FUCA2: variants seen among roughly 807,000 people sequenced by gnomAD.
FUCA2 encodes the protein alpha-L-fucosidase 2.
In FUCA2, 41 loss-of-function variants were observed where a neutral mutation model predicts 52.6. The observed-to-expected ratio is 0.78, with a 90% CI of 0.61 to 1.01. The LOEUF is 1.01. Among genes scored for constraint, FUCA2 ranks in the 50% least tolerant of loss-of-function variants. The pLI is 0.00. For synonymous variants in FUCA2, 211 were observed against 217.3 expected (o/e 0.97, Z 0.26); for missense variants, 507 against 569.5 (o/e 0.89, Z 1.12).
chr6:143,511,712 G>C lies in FUCA2; in HGVS notation c.-78C>G, dbSNP rs1391335215. On this transcript the variant is annotated 5_prime_UTR_variant, in exon 1 of 7. Coordinates refer to ENST00000002165, the MANE Select transcript of FUCA2 (RefSeq NM_032020.5). This position sits in a 1 kb window ranked among gnomAD's most constrained non-coding sequence, Gnocchi z 6.3. Reference sequence around the variant, plus strand: ...GCTGTTCTTCCGTCTCTGCCGCTGAGTATGCCGCGCCGCGGTCACCTGACC... The same window carrying C: ...GCTGTTCTTCCGTCTCTGCCGCTGACTATGCCGCGCCGCGGTCACCTGACC... 4 of 1,322,208 alleles carry C rather than the reference G, an allele frequency of 3.0e-6. No homozygotes were observed. The highest frequency in any genetic ancestry group is 5.3e-5 in the East Asian group (2 of 38,014). 81.9% of individuals were successfully genotyped at this position (1,322,208 alleles called of 1,614,324 possible).
Position 143,511,282 on chromosome 6 carries a change from C to A in FUCA2, c.224+129G>T. On this transcript the variant is annotated intron_variant, in intron 1 of 6. Transcript: ENST00000002165. The surrounding 1 kb of genome is among the most constrained non-coding windows in gnomAD (Gnocchi z 6.3). The stretch of plus-strand genomic sequence containing the variant: ...ACCCGGAAGTGCGAAACGCGGGTAA[C>A]GCAGTGGGAGGTGAAACCGACGAGG... 2 of 751,434 alleles carry A rather than the reference C, an allele frequency of 2.7e-6. No individual in the cohort carries two copies. The highest frequency in any genetic ancestry group is 3.0e-4 in the Middle Eastern group (1 of 3,328). The allele number at this position is 751,434 out of a possible 1,614,324, so 46.5% of individuals were successfully genotyped here.
rs1252379980 is a variant in FUCA2 at position 143,495,687 on chromosome 6, A to G, written c.*20T>C. 1 of 1,605,930 alleles carries G rather than the reference A, an allele frequency of 6.2e-7. No individual in the cohort carries two copies. Among genetic ancestry groups the G allele is most frequent in the Admixed American group, 1.7e-5 (1 of 59,780 alleles). ...CCTAGCCTTAGACATAACTTGCAGC[A>G]TCAGCCACTCTGCTGCACTTTAGAT... On this transcript the variant is annotated 3_prime_UTR_variant, in exon 7 of 7. Transcript: ENST00000002165. The surrounding 1 kb of genome is among the most constrained non-coding windows in gnomAD (Gnocchi z 5.2).
In FUCA2 at chr6:143,503,742, G is replaced by T; in HGVS notation, c.752+171C>A. 3.6e-6 allele frequency: 2 copies of T among 550,968 alleles called. No homozygotes were observed. The highest frequency in any genetic ancestry group is 6.3e-6 in the Non-Finnish European group (2 of 319,174). 34.1% of individuals were successfully genotyped at this position (550,968 alleles called of 1,614,324 possible). A position where few individuals can be genotyped will look rare whatever the true frequency, so the allele number is the denominator to read the frequency against. Reference sequence around the variant, plus strand: ...TTTTACTCCTGATTTATTTACCCTTGATTATGTTGAGTAAATAGTGATATA... The same window carrying T: ...TTTTACTCCTGATTTATTTACCCTTTATTATGTTGAGTAAATAGTGATATA... On this transcript the variant is annotated intron_variant, in intron 3 of 6. Coordinates refer to ENST00000002165, the MANE Select transcript of FUCA2 (RefSeq NM_032020.5). This position sits in a 1 kb window ranked among gnomAD's most constrained non-coding sequence, Gnocchi z 4.8.
intron 2 of FUCA2, chr6:143,505,806 G>A (rs980720501): frequency 1.3e-5 from 2 of 152,110 alleles, no homozygotes; most frequent in Admixed American, 6.5e-5. Flanking sequence ...CTTACACTGC[G>A]ACGTTCCTTC....
At position 143,502,342 on chromosome 6, in the gene FUCA2, C is replaced by G. The variant is rs1780540544; in HGVS notation, c.963+13G>C. 1 of 1,610,220 alleles carries G rather than the reference C, an allele frequency of 6.2e-7. No individual in the cohort carries two copies. The highest frequency in any genetic ancestry group is 1.7e-5 in the Admixed American group (1 of 59,882). ...GAATATTATGTTAATAGCCACCAGA[C>G]ATTTCACTGTACCTTCACCAATTCT... is the stretch of plus-strand genomic sequence containing the variant. On this transcript the variant is annotated intron_variant, in intron 4 of 6. Transcript: ENST00000002165. The surrounding 1 kb of genome is among the most constrained non-coding windows in gnomAD (Gnocchi z 4.1).
rs760005569 is a variant in FUCA2, at chr6:143,502,532, A to G, written c.786T>C (p.Arg262=). 20 of 1,613,968 alleles carry G rather than the reference A, an allele frequency of 1.2e-5. No individual in the cohort carries two copies. Among genetic ancestry groups the G allele is most frequent in the South Asian group, 2.2e-5 (2 of 91,084 alleles). The part of the protein sequence containing the change: ...PVRGTVVTND[R]WGAGSICKHG... ...GCTTACAGATGCTACCAGCTCCCCAACGATCATTGGTGACTACTGTGCCCC... is the reference window on the plus strand; with the variant it reads ...GCTTACAGATGCTACCAGCTCCCCAGCGATCATTGGTGACTACTGTGCCCC... Residue 262 remains arginine, a synonymous_variant, in exon 4 of 7, where the codon CGT becomes CGC. Transcript: ENST00000002165. The surrounding 1 kb of genome is among the most constrained non-coding windows in gnomAD (Gnocchi z 4.1).
Position 143,499,941 on chromosome 6 carries a change from G to A in FUCA2, c.1154+1991C>T, listed in dbSNP as rs1320928507. Among the ~76,000 whole-genome samples the A allele has an allele frequency of 6.6e-6, 1 of 152,184 alleles. No homozygotes were observed. Among genetic ancestry groups the A allele is most frequent in the South Asian group, 2.1e-4 (1 of 4,834 alleles). Reference sequence around the variant, plus strand: ...AATGCAAGTGAAATTGAGTTAAAGGGGAGAATTGCTATAACAATCCTTGGG... The same window carrying A: ...AATGCAAGTGAAATTGAGTTAAAGGAGAGAATTGCTATAACAATCCTTGGG... On this transcript the variant is annotated intron_variant, in intron 5 of 6. Coordinates refer to ENST00000002165, the MANE Select transcript of FUCA2 (RefSeq NM_032020.5). This position sits in a 1 kb window ranked among gnomAD's most constrained non-coding sequence, Gnocchi z 6.0.
chr6:143,497,943 G>C lies in FUCA2; in HGVS notation c.1155-446C>G, dbSNP rs1311067740. Among the ~76,000 whole-genome samples the C allele has an allele frequency of 3.3e-5, 5 of 152,270 alleles. No individual in the cohort carries two copies. Among genetic ancestry groups the C allele is most frequent in the Non-Finnish European group, 5.9e-5 (4 of 68,018 alleles). On this transcript the variant is annotated intron_variant, in intron 5 of 6. Coordinates refer to ENST00000002165, the MANE Select transcript of FUCA2 (RefSeq NM_032020.5). This position sits in a 1 kb window ranked among gnomAD's most constrained non-coding sequence, Gnocchi z 5.3. Reference sequence around the variant, plus strand: ...AACACACATAGTCCTTGTTCTTATGGAGCTTAGACTAGAGTGGGGAAAGCA... The same window carrying C: ...AACACACATAGTCCTTGTTCTTATGCAGCTTAGACTAGAGTGGGGAAAGCA...
In FUCA2 at chr6:143,511,416, C is replaced by T; in HGVS notation, c.219G>A (p.Trp73Ter). Residue 73 changes from tryptophan to a stop codon, truncating the protein, a stop_gained, in exon 1 of 7, where the codon TGG (tryptophan) becomes TGA (stop). Transcript: ENST00000002165. LOFTEE classifies it high-confidence loss of function. The surrounding 1 kb of genome is among the most constrained non-coding windows in gnomAD (Gnocchi z 6.3). The part of the protein sequence containing the change: ...VFSVPSFGSE[W>*]FWWYWQKEKI... ...ACAAAAGGGAGCGCACTCACCAGAACCACTCGCTACCGAAGCTGGGCACGG... is the reference window on the plus strand; with the variant it reads ...ACAAAAGGGAGCGCACTCACCAGAATCACTCGCTACCGAAGCTGGGCACGG... 6.2e-7 allele frequency: 1 copy of T among 1,610,528 alleles called. No individual in the cohort carries two copies. Among genetic ancestry groups the T allele is most frequent in the Non-Finnish European group, 8.5e-7 (1 of 1,178,108 alleles).
Position 143,510,819 on chromosome 6 carries a change from T to G in FUCA2, c.224+592A>C, listed in dbSNP as rs1780672755. 6.6e-6 allele frequency among the ~76,000 whole-genome samples: 1 copy of G among 152,072 alleles called. No homozygotes were observed. The highest frequency in any genetic ancestry group is 6.6e-5 in the Admixed American group (1 of 15,216). ...GTAAAATCTAACGCACAGATTTTTGTGTAGCACCTTTCATACGGCAGTATG... is the reference window on the plus strand; with the variant it reads ...GTAAAATCTAACGCACAGATTTTTGGGTAGCACCTTTCATACGGCAGTATG... On this transcript the variant is annotated intron_variant, in intron 1 of 6. Coordinates refer to ENST00000002165, the MANE Select transcript of FUCA2 (RefSeq NM_032020.5). The surrounding 1 kb of genome is among the most constrained non-coding windows in gnomAD (Gnocchi z 4.4).
rs748436332 is a variant in FUCA2, at chr6:143,497,497, C to A, written c.1155G>T (p.Trp385Cys). The change falls in exon 6 of 7, where the codon TGG becomes TGT. Residue 385 changes from tryptophan (W) to cysteine (C), a missense_variant and splice_region_variant. Transcript: ENST00000002165. The surrounding 1 kb of genome is among the most constrained non-coding windows in gnomAD (Gnocchi z 5.3). ...SQNDTVTPDV[W>C]YTSKPKEKLV... ...ATTTTTCTTTAGGCTTGGATGTGTA[C>A]CTGGTTAAAAGAAAAAAATAAAGAG... is the stretch of plus-strand genomic sequence containing the variant. The A allele has an allele frequency of 3.3e-5, 52 of 1,583,602 alleles. No homozygotes were observed. The highest frequency in any genetic ancestry group is 8.4e-5 in the Admixed American group (5 of 59,558).
At position 143,507,356 on chromosome 6, in the gene FUCA2, A is replaced by C; in HGVS notation, c.293T>G (p.Phe98Cys). Residue 98 changes from phenylalanine to cysteine, a missense_variant, in exon 2 of 7, where the codon TTC (phenylalanine) becomes TGC (cysteine). Phe to Cys is a radical substitution (Grantham distance 205). Transcript: ENST00000002165. This position sits in a 1 kb window ranked among gnomAD's most constrained non-coding sequence, Gnocchi z 4.5. ...EFMKDNYPPS[F>C]KYEDFGPLFT... ...TAGTGGTCCAAAATCTTCATATTTG[A>C]AACTAGGAGGGTAATTATCTTTCAT... 6.2e-7 allele frequency: 1 copy of C among 1,609,332 alleles called. No homozygotes were observed. The highest frequency in any genetic ancestry group is 8.5e-7 in the Non-Finnish European group (1 of 1,179,068).
rs1461172262 is a variant in FUCA2, at chr6:143,502,232, GAACA to G, written c.964-114_964-111del. 208 of 1,333,342 alleles carry G rather than the reference GAACA, an allele frequency of 1.6e-4. 2 individuals are homozygous for G. In the South Asian group the frequency reaches 2.8e-3, roughly 18 times the overall value. The allele number at this position is 1,333,342 out of a possible 1,614,324, so 82.6% of individuals were successfully genotyped here. A position where few individuals can be genotyped will look rare whatever the true frequency, so the allele number is the denominator to read the frequency against. ...ATGTATATATAGTCACTGCCTAGAAGAACAAACACAGGATAGAACAATGTCCTAT... is the reference window on the plus strand; with the variant it reads ...ATGTATATATAGTCACTGCCTAGAAGAACACAGGATAGAACAATGTCCTAT... On this transcript the variant is annotated intron_variant, in intron 4 of 6. Coordinates refer to ENST00000002165, the MANE Select transcript of FUCA2 (RefSeq NM_032020.5). The surrounding 1 kb of genome is among the most constrained non-coding windows in gnomAD (Gnocchi z 4.1).
At position 143,498,000 on chromosome 6, in the gene FUCA2, G is replaced by A. The variant is rs915455616; in HGVS notation, c.1155-503C>T. 1.3e-5 allele frequency among the ~76,000 whole-genome samples: 2 copies of A among 152,134 alleles called. No homozygotes were observed. Among genetic ancestry groups the A allele is most frequent in the Admixed American group, 6.5e-5 (1 of 15,272 alleles). On this transcript the variant is annotated intron_variant, in intron 5 of 6. Transcript: ENST00000002165. This position sits in a 1 kb window ranked among gnomAD's most constrained non-coding sequence, Gnocchi z 5.3. ...AAACAATCACACAAATAATATGAAA[G>A]TGTGAGTTCTGATAAGCACCATGAA...
rs968206264 is a variant in FUCA2, at chr6:143,500,602, G to C, written c.1154+1330C>G. Among the ~76,000 whole-genome samples, 1 of 152,096 alleles carries C rather than the reference G, an allele frequency of 6.6e-6. No homozygotes were observed. The highest frequency in any genetic ancestry group is 1.5e-5 in the Non-Finnish European group (1 of 68,022). Reference sequence around the variant, plus strand: ...GGTCTAAGATGCTATGCATCCAAGTGGAAGTGTTGAGTAAGAAGTTCGACT... The same window carrying C: ...GGTCTAAGATGCTATGCATCCAAGTCGAAGTGTTGAGTAAGAAGTTCGACT... On this transcript the variant is annotated intron_variant, in intron 5 of 6. Transcript: ENST00000002165. This position sits in a 1 kb window ranked among gnomAD's most constrained non-coding sequence, Gnocchi z 6.9.
In FUCA2 at chr6:143,502,111, C is replaced by T; in HGVS notation, c.975G>A (p.Glu325=). 6.3e-7 allele frequency: 1 copy of T among 1,599,878 alleles called. No individual in the cohort carries two copies. The highest frequency in any genetic ancestry group is 8.5e-7 in the Non-Finnish European group (1 of 1,174,598). The change falls in exon 5 of 7, where the codon GAG becomes GAA. Residue 325 remains glutamate (E), a synonymous_variant. Transcript: ENST00000002165. The surrounding 1 kb of genome is among the most constrained non-coding windows in gnomAD (Gnocchi z 4.1). ...TIEELVKQLV[E]TVSCGGNLLM... ...AAAGATTTCCTCCACATGAAACTGT[C>T]TCTACAAGTTGCTAAAAAATTAAGA...
At position 143,507,360 on chromosome 6, in the gene FUCA2, TA is replaced by T; in HGVS notation, c.288del (p.Ser97ValfsTer35). ...YVEFMKDNYP[P>X]SFKYEDFGPL... ...GGTCCAAAATCTTCATATTTGAAACTAGGAGGGTAATTATCTTTCATAAATT... is the reference window on the plus strand; with the variant it reads ...GGTCCAAAATCTTCATATTTGAAACTGGAGGGTAATTATCTTTCATAAATT... On this transcript the variant is annotated frameshift_variant, in exon 2 of 7. Transcript: ENST00000002165. LOFTEE classifies it high-confidence loss of function. This position sits in a 1 kb window ranked among gnomAD's most constrained non-coding sequence, Gnocchi z 4.5. 1 of 1,609,368 alleles carries T rather than the reference TA, an allele frequency of 6.2e-7. No homozygotes were observed. Among genetic ancestry groups the T allele is most frequent in the Non-Finnish European group, 8.5e-7 (1 of 1,178,970 alleles).
At position 143,501,077 on chromosome 6, in the gene FUCA2, C is replaced by T. The variant is rs1174765604; in HGVS notation, c.1154+855G>A. Among the ~76,000 whole-genome samples, 1 of 152,134 alleles carries T rather than the reference C, an allele frequency of 6.6e-6. No homozygotes were observed. Among genetic ancestry groups the T allele is most frequent in the Non-Finnish European group, 1.5e-5 (1 of 68,026 alleles). ...ACCCTCATATTCAAATGTAAGTATT[C>T]AAAAGTAAGAAGCAAATTCCAAAAC... On this transcript the variant is annotated intron_variant, in intron 5 of 6. Coordinates refer to ENST00000002165, the MANE Select transcript of FUCA2 (RefSeq NM_032020.5). This position sits in a 1 kb window ranked among gnomAD's most constrained non-coding sequence, Gnocchi z 6.1.
rs867988460 is a variant in FUCA2, at chr6:143,495,541, T to A, written c.*166A>T. On this transcript the variant is annotated 3_prime_UTR_variant, in exon 7 of 7. Transcript: ENST00000002165. This position sits in a 1 kb window ranked among gnomAD's most constrained non-coding sequence, Gnocchi z 5.2. ...GCACTGGAGAGTTAAAATGGTTACA[T>A]GGGTAATTTAAGAAAAAATTTAGTG... 8 of 603,638 alleles carry A rather than the reference T, an allele frequency of 1.3e-5. No individual in the cohort carries two copies. In the South Asian group the frequency reaches 2.5e-4, roughly 19 times the overall value. The allele number at this position is 603,638 out of a possible 1,614,324, so 37.4% of individuals were successfully genotyped here.
Sources: gnomAD v4.1 joint callset for allele counts (sites outside exome capture counted in the v4.1 genomes callset) on GRCh38, gnomAD v4.1.1 for gene constraint, Gnocchi (gnomAD v3.1) non-coding constraint, MANE v1.5 for transcripts, NCBI Gene and HGNC (gene_info 2026-07-23, HGNC 2026-07-21) for gene names.